The following NDUFV2 variants were observed in gnomAD, a reference collection of about 807,000 sequenced individuals.
NDUFV2 encodes the protein NADH:ubiquinone oxidoreductase core subunit V2, also known as NADH dehydrogenase [ubiquinone] flavoprotein 2, mitochondrial.
In NDUFV2, 18 loss-of-function variants were observed where a neutral mutation model predicts 31.6. That is an observed-to-expected ratio of 0.57 (90% CI 0.39 to 0.84). The LOEUF is 0.84. NDUFV2 is among the 40% of genes least tolerant of loss of function. The pLI is 0.00. For missense variants in NDUFV2, 314 were observed against 303.6 expected (o/e 1.03, Z -0.26); for synonymous variants, 83 against 99.8 (o/e 0.83, Z 1.01).
rs547252886 is a variant in NDUFV2, at chr18:9,102,749, C to T, written c.6C>T (p.Phe2=). 8 of 1,588,480 alleles carry T rather than the reference C, an allele frequency of 5.0e-6. No homozygotes were observed. Among genetic ancestry groups the T allele is most frequent in the African/African-American group, 2.7e-5 (2 of 74,186 alleles). M[F]FSAALRARAA... ...GGTGAACAGTGTGGCCCGCCATGTT[C>T]TTCTCCGCGGCGCTCCGGGCCCGGG... Residue 2 remains phenylalanine (F), a synonymous_variant, in exon 1 of 8, where the codon TTC becomes TTT. Coordinates refer to ENST00000318388, the MANE Select transcript of NDUFV2 (RefSeq NM_021074.5).
intron 1 of NDUFV2, chr18:9,105,051 C>T (rs2077834821): frequency 7.1e-7 from 1 of 1,410,448 alleles, no homozygotes; most frequent in African/African-American, 1.4e-5. Flanking sequence ...GTAGACATTT[C>T]TATACTGTCA....
intron 5 of NDUFV2, among the ~76,000 whole-genome samples, chr18:9,123,046 T>A (rs1253684904): frequency 6.6e-6 from 1 of 152,214 alleles, no homozygotes; most frequent in Non-Finnish European, 1.5e-5. Context: ...TATATTCTTC[T>A]AAAGAAGTCA....
At chr18:9,128,002 A>T (rs1171516057) in intron 7 of NDUFV2, among the ~76,000 whole-genome samples, 1 of 152,134 alleles carries the variant, frequency 6.6e-6, no homozygotes, top group Admixed American at 6.5e-5. Flanking sequence ...CCTTTCAGTT[A>T]TGAACTTGGA....
At chr18:9,104,468 A>G (rs1017567414) in intron 1 of NDUFV2, among the ~76,000 whole-genome samples, 2 of 152,242 alleles carry the variant, frequency 1.3e-5, no homozygotes, top group Non-Finnish European at 2.9e-5. Flanking sequence ...GCAGAATGCT[A>G]GGTGAAAGAT....
intron 1 of NDUFV2, among the ~76,000 whole-genome samples, chr18:9,105,965 T>A (rs1265322952): frequency 6.6e-6 from 1 of 152,204 alleles, no homozygotes; most frequent in Non-Finnish European, 1.5e-5. Context: ...TTTTGGATTG[T>A]ATGCTGAATT....
At chr18:9,126,372 A>G (rs975371017) in intron 6 of NDUFV2, among the ~76,000 whole-genome samples, 2 of 152,220 alleles carry the variant, frequency 1.3e-5, no homozygotes, top group African/African-American at 4.8e-5. Flanking sequence ...TAGGTTTACA[A>G]ATAAACAAAC....
intron 4 of NDUFV2, 26 bp downstream of exon 4, chr18:9,119,616 T>TCTAA (rs758025899): frequency 6.5e-7 from 1 of 1,533,430 alleles, no homozygotes; most frequent in Admixed American, 1.7e-5. Context: ...TTGCCTTAGT[T>TCTAA]CTAAAAGAGA....
chr18:9,104,910 C>G, intron 1 of NDUFV2: 1 of 1,485,404 alleles, frequency 6.7e-7, no homozygotes, highest in Non-Finnish European at 9.1e-7. Context: ...CTGGAAATTA[C>G]CATTGTTAAC....
rs528296333 is a variant in NDUFV2 at position 9,119,351 on chromosome 18, C to T, written c.146C>T (p.Pro49Leu). 2 of 1,613,050 alleles carry T rather than the reference C, an allele frequency of 1.2e-6. No homozygotes were observed. Among genetic ancestry groups the T allele is most frequent in the East Asian group, 2.2e-5 (1 of 44,782 alleles). The change falls in exon 3 of 8, where the codon CCT (proline) becomes CTT (leucine). Residue 49 changes from proline (P) to leucine (L), a missense_variant. Transcript: ENST00000318388. ...FVHRDTPENN[P>L]DTPFDFTPEN... ...CACAGAGATACTCCTGAGAATAACC[C>T]TGATACTCCATTTGATTTCACACCA...
At chr18:9,104,817 TC>T in intron 1 of NDUFV2, 1 of 998,560 alleles carries the variant, frequency 1.0e-6, no homozygotes, top group Non-Finnish European at 1.4e-6. Context: ...ATTACACACG[TC>T]ATACGTGTGT....
intron 7 of NDUFV2, among the ~76,000 whole-genome samples, chr18:9,129,348 C>T (rs576624327): frequency 2.0e-5 from 3 of 152,152 alleles, no homozygotes; most frequent in African/African-American, 7.2e-5. Context: ...CCTGCTTTGT[C>T]TACTTTGTTA....
chr18:9,121,905 A>T (rs776433215), intron 4 of NDUFV2, among the ~76,000 whole-genome samples: 14 of 152,186 alleles, frequency 9.2e-5, no homozygotes, highest in African/African-American at 2.9e-4. Flanking sequence ...TATGAAATAG[A>T]AGTAGTGTGC....
At chr18:9,126,306 G>A (rs191046099) in intron 6 of NDUFV2, among the ~76,000 whole-genome samples, 3 of 152,212 alleles carry the variant, frequency 2.0e-5, no homozygotes, top group Non-Finnish European at 4.4e-5. Context: ...TAGTATGTAC[G>A]TTGACACTGT....
intron 7 of NDUFV2, chr18:9,132,175 C>G (rs2078045906): frequency 6.6e-6 from 1 of 152,144 alleles, no homozygotes; most frequent in African/African-American, 2.4e-5. Context: ...AAAATTACTT[C>G]CATATATAAA....
intron 7 of NDUFV2, among the ~76,000 whole-genome samples, chr18:9,128,062 A>G (rs560400463): frequency 1.3e-4 from 20 of 152,310 alleles, no homozygotes; most frequent in African/African-American, 4.3e-4. Context: ...CAATCACTCA[A>G]AATTCTCTCT....
intron 2 of NDUFV2, among the ~76,000 whole-genome samples, chr18:9,118,348 C>T (rs1002014623): frequency 2.0e-5 from 3 of 152,036 alleles, no homozygotes; most frequent in Non-Finnish European, 4.4e-5. Flanking sequence ...AGTCTGTGAA[C>T]TCCCCAGATT....
chr18:9,127,730 C>G (rs370787988), intron 7 of NDUFV2, among the ~76,000 whole-genome samples: 6 of 152,304 alleles, frequency 3.9e-5, no homozygotes, highest in African/African-American at 1.2e-4. Flanking sequence ...CTTCAGACTC[C>G]CAAAGTGCTG....
chr18:9,105,123 C>T (rs2077835247), intron 1 of NDUFV2: 1 of 888,932 alleles, frequency 1.1e-6, no homozygotes, highest in South Asian at 5.0e-5. Flanking sequence ...CCAGGCCCTT[C>T]TAACCTTTCA....
At chr18:9,118,840 T>TTA (rs1555697074) in intron 2 of NDUFV2, among the ~76,000 whole-genome samples, 3 of 149,322 alleles carry the variant, frequency 2.0e-5, no homozygotes, top group Admixed American at 6.7e-5. Flanking sequence ...TTTTTTTTTT[T>TTA]AAGATGGTCC....
Sources: allele counts gnomAD v4.1 joint callset (sites outside exome capture counted in the v4.1 genomes callset), GRCh38; gene constraint gnomAD v4.1.1; transcripts MANE v1.5; gene names NCBI Gene and HGNC (gene_info 2026-07-23, HGNC 2026-07-21).